Variants in CFAP54 observed in about 807,000 individuals in gnomAD.
CFAP54 encodes cilia- and flagella-associated protein 54.
A neutral mutation model predicts 370.4 loss-of-function variants in CFAP54; 290 were observed. The observed-to-expected ratio is 0.78, with a 90% CI of 0.71 to 0.86. The LOEUF (loss-of-function observed/expected upper bound fraction) is 0.86. Ranked by LOEUF, CFAP54 falls within the 40% of genes least tolerant of loss-of-function variation. CFAP54 has a pLI of 0.00. For missense variants in CFAP54, 3,399 were observed against 3,528.7 expected, an observed-to-expected ratio of 0.96 and a Z score of 0.93; for synonymous variants, 1,206 against 1,236.5, an observed-to-expected ratio of 0.98 and a Z score of 0.52.
intron 28 of CFAP54, 72 bp downstream of exon 28, chr12:96,623,953 G>A: frequency 1.0e-6 from 1 of 975,386 alleles, no homozygotes; most frequent in East Asian, 2.6e-5. Flanking sequence ...TTTGTTCAAA[G>A]GATTAAGATG....
chr12:96,622,816 T>C (rs544760598), intron 27 of CFAP54, among the ~76,000 whole-genome samples: 28 of 152,344 alleles, frequency 1.8e-4, no homozygotes, highest in African/African-American at 6.7e-4. Flanking sequence ...AAAAAAACTT[T>C]TAAAAATCAC....
Position 96,527,386 on chromosome 12 carries a change from A to C in CFAP54, c.1299A>C (p.Glu433Asp). The C allele has an allele frequency of 6.5e-7, 1 of 1,534,692 alleles. No individual in the cohort carries two copies. The highest frequency in any genetic ancestry group is 1.4e-5 in the African/African-American group (1 of 73,128). The change falls in exon 9 of 68, where the codon GAA becomes GAC. Residue 433 changes from glutamate (E) to aspartate (D), a missense_variant. By Grantham distance (45) the Glu-to-Asp change is conservative. Around this residue, in one of 3 missense-constraint regions of CFAP54, gnomAD observed 559 missense variants for 576.7 expected, o/e 0.97. Transcript: ENST00000524981. The part of the protein sequence containing the change: ...ILQTGPIVTD[E>D]VEIHDVVSEL... ...AAACTGGACCCATTGTTACAGATGAAGTGGAGATTCATGATGTTGTCTCAG... is the reference window on the plus strand; with the variant it reads ...AAACTGGACCCATTGTTACAGATGACGTGGAGATTCATGATGTTGTCTCAG...
At chr12:96,646,754 A>G (rs1956797685) in intron 33 of CFAP54, 2 of 152,276 alleles carry the variant, frequency 1.3e-5, no homozygotes, top group Admixed American at 6.5e-5. Flanking sequence ...CGTATACACC[A>G]TGGAATACTA....
In CFAP54 at chr12:96,520,494, AAG is replaced by A. The variant is rs1955294455; in HGVS notation, c.943-1360_943-1359del. 2.0e-5 allele frequency among the ~76,000 whole-genome samples: 3 copies of A among 152,276 alleles called. No homozygotes were observed. The South Asian group carries it at 6.2e-4, about 32-fold the overall frequency. On this transcript the variant is annotated intron_variant, in intron 6 of 67. Transcript: ENST00000524981. ...ACCGTTGCACTCCAGCCTGGGCAAC[AAG>A]AGTGAAACTCCATCTCAAAAAAATT... is the stretch of plus-strand genomic sequence containing the variant.
At chr12:96,829,373 T>C (rs1364450871) in intron 66 of CFAP54, among the ~76,000 whole-genome samples, 1 of 152,140 alleles carries the variant, frequency 6.6e-6, no homozygotes, top group Non-Finnish European at 1.5e-5. Flanking sequence ...AGAGTATATC[T>C]AGAATTTTCC....
intron 66 of CFAP54, among the ~76,000 whole-genome samples, chr12:96,850,821 G>T (rs751024955): frequency 7.2e-5 from 11 of 152,160 alleles, no homozygotes; most frequent in Non-Finnish European, 1.2e-4. Flanking sequence ...CAGGGGAAAT[G>T]CCAGACACTT....
chr12:96,677,633 A>C (rs545697317), intron 39 of CFAP54, among the ~76,000 whole-genome samples: 78 of 152,214 alleles, frequency 5.1e-4, no homozygotes, highest in African/African-American at 1.8e-3. Context: ...CAGACAGGAG[A>C]CTGAAACTGG....
At chr12:96,803,604 A>G (rs1958846730) in intron 63 of CFAP54, among the ~76,000 whole-genome samples, 1 of 152,164 alleles carries the variant, frequency 6.6e-6, no homozygotes, top group South Asian at 2.1e-4. Context: ...CTAAGCCACC[A>G]AGGAAACCAG....
intron 4 of CFAP54, among the ~76,000 whole-genome samples, chr12:96,508,545 C>CCT (rs940414080): frequency 1.3e-5 from 2 of 151,854 alleles, no homozygotes; most frequent in African/African-American, 4.8e-5. Flanking sequence ...CTCCACCTCC[C>CCT]AAAGTGCTGG....
chr12:96,565,292 G>A (rs1367364020), intron 19 of CFAP54, among the ~76,000 whole-genome samples: 3 of 152,068 alleles, frequency 2.0e-5, no homozygotes, highest in Non-Finnish European at 4.4e-5. Context: ...GGAATGCAGT[G>A]GCGCAGTCCT....
Position 96,631,895 on chromosome 12 carries a change from C to T in CFAP54, c.4316+1244C>T, listed in dbSNP as rs1413704468. ...GAGTTTCTGTAGGGTAAATACACAG[C>T]GTTGCGGTTTTCAAGATACGAACAT... On this transcript the variant is annotated intron_variant, in intron 32 of 67. Transcript: ENST00000524981. 5.3e-5 allele frequency among the ~76,000 whole-genome samples: 8 copies of T among 151,632 alleles called. No homozygotes were observed. The South Asian group carries it at 6.2e-4, about 12-fold the overall frequency.
intron 66 of CFAP54, 81 bp from the exon 67 acceptor site, chr12:96,860,738 A>T (rs2136463147): frequency 7.6e-7 from 1 of 1,322,414 alleles, no homozygotes; most frequent in Non-Finnish European, 1.0e-6. Context: ...AATTATTAGA[A>T]ATTGCTATTT....
At chr12:96,796,661 A>G (rs1958765575) in intron 63 of CFAP54, among the ~76,000 whole-genome samples, 1 of 152,190 alleles carries the variant, frequency 6.6e-6, no homozygotes, top group Non-Finnish European at 1.5e-5. Context: ...TTTTGTTTAC[A>G]AGACATTTTG....
At chr12:96,492,122 G>A (rs749553554) in intron 1 of CFAP54, among the ~76,000 whole-genome samples, 2 of 152,176 alleles carry the variant, frequency 1.3e-5, no homozygotes, top group East Asian at 1.9e-4. Context: ...CACTACCAGC[G>A]TTCCAGTCCA....
chr12:96,829,375 G>T (rs1161081406), intron 66 of CFAP54, among the ~76,000 whole-genome samples: 1 of 152,042 alleles, frequency 6.6e-6, no homozygotes, highest in African/African-American at 2.4e-5. Context: ...AGTATATCTA[G>T]AATTTTCCCT....
intron 32 of CFAP54, among the ~76,000 whole-genome samples, chr12:96,641,247 A>C (rs1435197965): frequency 1.1e-4 from 16 of 152,046 alleles, no homozygotes; most frequent in African/African-American, 2.7e-4. Context: ...AACAAACAAC[A>C]CCATCAACAA....
At chr12:96,493,847 A>C (rs1954916145) in intron 1 of CFAP54, among the ~76,000 whole-genome samples, 1 of 152,188 alleles carries the variant, frequency 6.6e-6, no homozygotes, top group South Asian at 2.1e-4. Flanking sequence ...TGCTAGAGAG[A>C]AAAAGAAGAT....
intron 65 of CFAP54, among the ~76,000 whole-genome samples, chr12:96,821,101 A>T (rs904115840): frequency 6.6e-6 from 1 of 151,992 alleles, no homozygotes; most frequent in African/African-American, 2.4e-5. Flanking sequence ...CCTGGAGCTC[A>T]TTTTCCTCTG....
intron 62 of CFAP54, 31 bp downstream of exon 62, chr12:96,786,929 A>C (rs902216670): frequency 7.1e-6 from 10 of 1,409,126 alleles, no homozygotes; most frequent in Non-Finnish European, 9.6e-6. Flanking sequence ...ATATATTTAC[A>C]TAAAACTTCT....
Sources: allele counts gnomAD v4.1 joint callset (sites outside exome capture counted in the v4.1 genomes callset), GRCh38; gene constraint gnomAD v4.1.1; regional missense constraint gnomAD v4.1.1; transcripts MANE v1.5; gene names NCBI Gene and HGNC (gene_info 2026-07-23, HGNC 2026-07-21).